The following MOSMO variants were observed in gnomAD, a reference collection of about 807,000 sequenced individuals.
MOSMO encodes modulator of smoothened protein.
Under a neutral mutation model 18.4 loss-of-function variants are expected in MOSMO, and 5 were observed. The ratio of observed to expected loss-of-function variants is 0.27; its 90% CI spans 0.14 to 0.57. The LOEUF (loss-of-function observed/expected upper bound fraction) is 0.57. Among genes scored for constraint, MOSMO ranks in the 20% least tolerant of loss-of-function variants. The probability of loss-of-function intolerance (pLI) is 0.92; values close to 1 mark genes in which losing one functional copy is unlikely to be tolerated. For synonymous variants in MOSMO, 82 were observed against 82.3 expected, an observed-to-expected ratio of 1.00 and a Z score of 0.02; for missense variants, 138 against 211.8, an observed-to-expected ratio of 0.65 and a Z score of 2.16.
intron 1 of MOSMO, among the ~76,000 whole-genome samples, chr16:22,052,648 T>C (rs910673250): frequency 1.3e-5 from 2 of 152,162 alleles, no homozygotes; most frequent in East Asian, 3.8e-4. Flanking sequence ...GAGAACACTA[T>C]ACAGCCATGA....
chr16:22,019,492 T>A (rs1319711373), intron 1 of MOSMO, among the ~76,000 whole-genome samples: 1 of 152,234 alleles, frequency 6.6e-6, no homozygotes, highest in Non-Finnish European at 1.5e-5. Context: ...CATATCTGTG[T>A]CATGGTTATT....
intron 1 of MOSMO, among the ~76,000 whole-genome samples, chr16:22,062,212 G>GGT (rs1321049358): frequency 6.6e-6 from 1 of 151,574 alleles, no homozygotes; most frequent in Admixed American, 6.6e-5. Flanking sequence ...GAGACTCAGA[G>GGT]GTACTATGAG....
chr16:22,042,110 C>T (rs1171346936), intron 1 of MOSMO, among the ~76,000 whole-genome samples: 1 of 152,064 alleles, frequency 6.6e-6, no homozygotes, highest in East Asian at 1.9e-4. Context: ...TTTGTATGAC[C>T]TTGATTTTTT....
downstream of MOSMO, among the ~76,000 whole-genome samples, chr16:22,084,869 A>G (rs1334902870): frequency 6.6e-6 from 1 of 152,142 alleles, no homozygotes; most frequent in Non-Finnish European, 1.5e-5. Flanking sequence ...GGATTAGGCC[A>G]TGATTACCCA....
At chr16:22,090,353 TTC>T (rs1901276930), downstream of MOSMO, 1 of 152,180 alleles carries the variant, frequency 6.6e-6, no homozygotes, top group African/African-American at 2.4e-5. Flanking sequence ...AGCAAATAAA[TTC>T]TTTTTTTTCC....
In MOSMO at chr16:22,046,291, G is replaced by A. The variant is rs374302519; in HGVS notation, c.107-29196G>A. ...TTAGTAATACAGTCGATTCTCATGTGGTAGTTATGTTCTGTAAAGTCACTG... is the reference window on the plus strand; with the variant it reads ...TTAGTAATACAGTCGATTCTCATGTAGTAGTTATGTTCTGTAAAGTCACTG... On this transcript the variant is annotated intron_variant, in intron 1 of 2. Coordinates refer to ENST00000542527, the MANE Select transcript of MOSMO (RefSeq NM_001164579.2). Among the ~76,000 whole-genome samples the A allele has an allele frequency of 4.9e-4, 74 of 152,164 alleles. 1 individual carries two copies. Among genetic ancestry groups the A allele is most frequent in the East Asian group, 1.4e-3 (7 of 5,180 alleles).
At chr16:22,066,272 A>G (rs368228914) in intron 1 of MOSMO, among the ~76,000 whole-genome samples, 3 of 149,386 alleles carry the variant, frequency 2.0e-5, no homozygotes, top group Non-Finnish European at 4.5e-5. Context: ...ATTCCTAGGC[A>G]TTTGTTAAAA....
chr16:22,016,248 A>G (rs1899633892), intron 1 of MOSMO, among the ~76,000 whole-genome samples: 4 of 152,348 alleles, frequency 2.6e-5, no homozygotes, highest in Admixed American at 6.5e-5. Flanking sequence ...AATGGAGACA[A>G]TACATTTACC....
intron 1 of MOSMO, among the ~76,000 whole-genome samples, chr16:22,058,438 AAAAAAG>A (rs1567510722): frequency 6.6e-6 from 1 of 152,036 alleles, no homozygotes; most frequent in African/African-American, 2.4e-5. Context: ...AAAAAAAAAA[AAAAAAG>A]AAAGAAACAA....
chr16:22,075,982 T>G, intron 2 of MOSMO: 1 of 332,474 alleles, frequency 3.0e-6, no homozygotes, highest in Non-Finnish European at 5.8e-6. Context: ...TGACTCAGAG[T>G]TACCAGTAGC....
intron 1 of MOSMO, among the ~76,000 whole-genome samples, chr16:22,040,664 T>C (rs1220627187): frequency 1.3e-5 from 2 of 152,200 alleles, no homozygotes; most frequent in East Asian, 3.8e-4. Context: ...ACATGTAAGA[T>C]ACATTATATG....
At chr16:22,017,779 T>C (rs1899670658) in intron 1 of MOSMO, among the ~76,000 whole-genome samples, 1 of 152,186 alleles carries the variant, frequency 6.6e-6, no homozygotes, top group African/African-American at 2.4e-5. Flanking sequence ...TTACTGTGCA[T>C]TCTCTTGTTA....
At chr16:22,011,358 G>T (rs1899524131) in intron 1 of MOSMO, among the ~76,000 whole-genome samples, 1 of 152,200 alleles carries the variant, frequency 6.6e-6, no homozygotes, top group Non-Finnish European at 1.5e-5. Context: ...CAAGGTTGGG[G>T]TTTGCCAGAT....
rs569104794 is a variant in MOSMO at position 22,033,588 on chromosome 16, C to T, written c.106+25181C>T. 3.9e-5 allele frequency among the ~76,000 whole-genome samples: 6 copies of T among 151,966 alleles called. No individual in the cohort carries two copies. In the East Asian group the frequency reaches 7.8e-4, roughly 20 times the overall value. ...ATCCCAGCACTTTGGGAAGCCGAGG[C>T]GGGCAGATCACGAGGTCAGGAGATC... On this transcript the variant is annotated intron_variant, in intron 1 of 2. Transcript: ENST00000542527.
chr16:22,023,997 TTA>T (rs72336979), intron 1 of MOSMO, among the ~76,000 whole-genome samples: 185 of 126,286 alleles, frequency 1.5e-3, no homozygotes, highest in South Asian at 0.013. Flanking sequence ...TTTGTACAAA[TTA>T]TATATATATA....
At chr16:22,058,333 G>A (rs1900576579) in intron 1 of MOSMO, among the ~76,000 whole-genome samples, 2 of 151,854 alleles carry the variant, frequency 1.3e-5, no homozygotes, top group African/African-American at 4.8e-5. Context: ...GGCTGAGGCA[G>A]GAGAATCACT....
intron 1 of MOSMO, among the ~76,000 whole-genome samples, chr16:22,050,507 T>G (rs1412275084): frequency 6.6e-6 from 1 of 152,156 alleles, no homozygotes; most frequent in East Asian, 1.9e-4. Flanking sequence ...AGAGTGCTAC[T>G]GACTTCTAGT....
chr16:22,013,431 G>T (rs1946266698), intron 1 of MOSMO, among the ~76,000 whole-genome samples: 1 of 152,168 alleles, frequency 6.6e-6, no homozygotes. Flanking sequence ...AGACTTGGGG[G>T]TCTTTGCTTT....
At chr16:22,085,837 C>T (rs940593727), downstream of MOSMO, 1 of 152,052 alleles carries the variant, frequency 6.6e-6, no homozygotes, top group East Asian at 1.9e-4. Context: ...GAAGAAAACA[C>T]TGTGGGTTGG....
Sources: allele counts gnomAD v4.1 joint callset (sites outside exome capture counted in the v4.1 genomes callset), GRCh38; gene constraint gnomAD v4.1.1; transcripts MANE v1.5; gene names NCBI Gene and HGNC (gene_info 2026-07-23, HGNC 2026-07-21).